Variants in CHIC2 observed in about 807,000 individuals in gnomAD.
The protein encoded by CHIC2 is cysteine-rich hydrophobic domain-containing protein 2.
Under a neutral mutation model 25.9 loss-of-function variants are expected in CHIC2, and 14 were observed. The ratio of observed to expected loss-of-function variants is 0.54; its 90% confidence interval spans 0.36 to 0.85. The LOEUF (loss-of-function observed/expected upper bound fraction) is 0.85. Ranked by LOEUF, CHIC2 falls within the 40% of genes least tolerant of loss-of-function variation. The pLI is 0.01. For synonymous variants in CHIC2, 70 were observed against 72.0 expected (o/e 0.97, Z 0.14); for missense variants, 146 against 202.0 (o/e 0.72, Z 1.68).
At chr4:54,083,018 CTTTTTT>C in the CHIC2 span, among the ~76,000 whole-genome samples, 16 of 67,910 alleles carry the variant, frequency 2.4e-4, no homozygotes, top group African/African-American at 4.5e-4. Flanking sequence ...TTCTTTCTTT[CTTTTTT>C]TTTTTTTTTT....
chr4:54,077,674 C>CTGTT, the CHIC2 span, among the ~76,000 whole-genome samples: 1 of 152,182 alleles, frequency 6.6e-6, no homozygotes. Context: ...AATGTACTTG[C>CTGTT]AAGGCTGTTG....
chr4:54,083,821 C>T, the CHIC2 span, among the ~76,000 whole-genome samples: 2 of 152,292 alleles, frequency 1.3e-5, no homozygotes, highest in Admixed American at 6.5e-5. Flanking sequence ...TAGCATCCTT[C>T]AAAGACCATT....
At chr4:54,048,921 C>T in intron 3 of CHIC2, 34 bp downstream of exon 3, 2 of 1,474,902 alleles carry the variant, frequency 1.4e-6, no homozygotes, top group Non-Finnish European at 1.8e-6. Context: ...TTGTCCACTT[C>T]TAAATTTAAA....
chr4:54,041,515 A>G (rs1716577227), intron 3 of CHIC2, among the ~76,000 whole-genome samples: 1 of 152,144 alleles, frequency 6.6e-6, no homozygotes, highest in South Asian at 2.1e-4. Context: ...AATAGACTGA[A>G]CAGGACCTGC....
intron 3 of CHIC2, among the ~76,000 whole-genome samples, chr4:54,018,162 T>C (rs1224722947): frequency 6.6e-6 from 1 of 152,134 alleles, no homozygotes; most frequent in African/African-American, 2.4e-5. Context: ...GCTAATATGG[T>C]AATGATTAAT....
At chr4:54,068,595 T>C (rs1717561137), upstream of CHIC2, among the ~76,000 whole-genome samples, 1 of 152,234 alleles carries the variant, frequency 6.6e-6, no homozygotes, top group Non-Finnish European at 1.5e-5. Context: ...GCAGCCTATT[T>C]GTGTGGAAAA....
chr4:54,090,779 G>T, the CHIC2 span, among the ~76,000 whole-genome samples: 1 of 152,144 alleles, frequency 6.6e-6, no homozygotes, highest in Non-Finnish European at 1.5e-5. Flanking sequence ...ACTCAGTGGT[G>T]CAGTGAAAGG....
At chr4:54,039,607 T>C (rs988798823) in intron 3 of CHIC2, among the ~76,000 whole-genome samples, 4 of 152,202 alleles carry the variant, frequency 2.6e-5, no homozygotes, top group African/African-American at 7.2e-5. Context: ...CTCTCATGCA[T>C]TGCTGGCTGG....
At chr4:54,086,995 C>A in the CHIC2 span, 1 of 949,490 alleles carries the variant, frequency 1.1e-6, no homozygotes, top group Non-Finnish European at 1.7e-6. Flanking sequence ...CTTCAAAAAA[C>A]CAACTAGAAG....
intron 3 of CHIC2, among the ~76,000 whole-genome samples, chr4:54,020,049 G>C (rs1273871880): frequency 6.6e-6 from 1 of 152,114 alleles, no homozygotes; most frequent in Non-Finnish European, 1.5e-5. Context: ...AAAAATATAT[G>C]TAATTACAAA....
chr4:54,024,458 C>T (rs923165238), intron 3 of CHIC2, among the ~76,000 whole-genome samples: 3 of 152,154 alleles, frequency 2.0e-5, no homozygotes, highest in African/African-American at 7.2e-5. Flanking sequence ...CTACCTCTCC[C>T]CAGCTATCTC....
At position 54,026,763 on chromosome 4, in the gene CHIC2, TTTC is replaced by T. The variant is rs1050914362; in HGVS notation, c.331-12647_331-12645del. On this transcript the variant is annotated intron_variant, in intron 3 of 5. Transcript: ENST00000263921. ...TTTCATTTTAATCTGTTTACTTCTC[TTTC>T]TTGTCTACTTTTATGCCTTTCTCTT... Among the ~76,000 whole-genome samples, 89 of 152,352 alleles carry T rather than the reference TTTC, an allele frequency of 5.8e-4. No individual in the cohort carries two copies. In the Middle Eastern group the frequency reaches 0.014, roughly 23 times the overall value.
intron 1 of CHIC2, among the ~76,000 whole-genome samples, chr4:54,062,349 A>T (rs1717361039): frequency 6.6e-6 from 1 of 151,890 alleles, no homozygotes; most frequent in Non-Finnish European, 1.5e-5. Context: ...TTATTTATTT[A>T]TTTATTTATT....
chr4:54,065,181 A>C (rs940930333), upstream of CHIC2: 5 of 381,754 alleles, frequency 1.3e-5, no homozygotes, highest in African/African-American at 1.1e-4. Context: ...AAATTCAAAC[A>C]TCTTATCCCT....
intron 3 of CHIC2, among the ~76,000 whole-genome samples, chr4:54,031,932 T>C (rs1318584891): frequency 6.6e-6 from 1 of 152,026 alleles, no homozygotes; most frequent in Non-Finnish European, 1.5e-5. Flanking sequence ...CTTGCTCTAA[T>C]TCTTAAAACA....
upstream of CHIC2, among the ~76,000 whole-genome samples, chr4:54,066,627 T>G (rs1222875291): frequency 7.0e-6 from 1 of 142,974 alleles, no homozygotes; most frequent in Non-Finnish European, 1.6e-5. Context: ...CTGAATGTCT[T>G]TTTTTTTTTT....
the CHIC2 span, among the ~76,000 whole-genome samples, chr4:54,082,148 G>A: frequency 6.6e-6 from 1 of 152,218 alleles, no homozygotes; most frequent in African/African-American, 2.4e-5. Flanking sequence ...ATATGATTTT[G>A]TGCATTGATA....
the CHIC2 span, among the ~76,000 whole-genome samples, chr4:54,080,031 G>C: frequency 6.6e-6 from 1 of 151,482 alleles, no homozygotes; most frequent in Non-Finnish European, 1.5e-5. Context: ...GTATCTCAAA[G>C]AGATATCTGC....
chr4:54,044,097 GAACT>G (rs1196708959), intron 3 of CHIC2, among the ~76,000 whole-genome samples: 2 of 152,150 alleles, frequency 1.3e-5, no homozygotes, highest in East Asian at 1.9e-4. Flanking sequence ...TCAACAAGAA[GAACT>G]AACTATCCTA....
Sources: allele counts gnomAD v4.1 joint callset (sites outside exome capture counted in the v4.1 genomes callset), GRCh38; gene constraint gnomAD v4.1.1; transcripts MANE v1.5; gene names NCBI Gene and HGNC (gene_info 2026-07-23, HGNC 2026-07-21).